Variants in SORCS3 observed in about 807,000 individuals in gnomAD.
SORCS3 encodes VPS10 domain-containing receptor SorCS3.
In SORCS3, 57 loss-of-function variants were observed where a neutral mutation model predicts 146.3. The ratio of observed to expected loss-of-function variants is 0.39; its 90% CI spans 0.31 to 0.49. The LOEUF is 0.49. Ranked by LOEUF, SORCS3 falls within the 20% of genes least tolerant of loss-of-function variation. The pLI is 0.92. For missense variants in SORCS3, 1,341 were observed against 1,575.5 expected, an observed-to-expected ratio of 0.85 and a Z score of 2.52; for synonymous variants, 653 against 618.5, an observed-to-expected ratio of 1.06 and a Z score of -0.83.
chr10:105,199,753 A>C (rs1322015670), intron 14 of SORCS3, among the ~76,000 whole-genome samples: 1 of 152,166 alleles, frequency 6.6e-6, no homozygotes, highest in African/African-American at 2.4e-5. Flanking sequence ...TTCCTGTAAT[A>C]GGCATATATT....
At chr10:105,046,501 G>A (rs1050523405) in intron 5 of SORCS3, among the ~76,000 whole-genome samples, 8 of 152,064 alleles carry the variant, frequency 5.3e-5, no homozygotes, top group Admixed American at 2.0e-4. Context: ...AACGAACCCC[G>A]TGCATGTCTC....
rs778318739 is a variant in SORCS3, at chr10:105,147,761, G to A, written c.1447G>A (p.Gly483Ser). ...CATGGAGAACATCAAGAGCAGCAGA[G>A]GTCTAATGGGGAACATCATTATTGA... ...LAMENIKSSR[G>S]LMGNIIIELY... The change falls in exon 9 of 27, where the codon GGT (glycine) becomes AGT (serine). Residue 483 changes from glycine (G) to serine (S), a missense_variant. Physicochemically the swap from Gly to Ser is moderately conservative, Grantham distance 56. Transcript: ENST00000369701. 4 of 1,612,662 alleles carry A rather than the reference G, an allele frequency of 2.5e-6. No individual in the cohort carries two copies. Among genetic ancestry groups the A allele is most frequent in the South Asian group, 1.1e-5 (1 of 91,004 alleles).
intron 1 of SORCS3, among the ~76,000 whole-genome samples, chr10:104,792,951 C>T (rs1020159164): frequency 3.9e-5 from 6 of 152,116 alleles, no homozygotes; most frequent in Admixed American, 2.6e-4. Context: ...GATAAGTGGT[C>T]TCACTGCACC....
intron 7 of SORCS3, among the ~76,000 whole-genome samples, chr10:105,110,226 C>G (rs1207301742): frequency 6.6e-6 from 1 of 150,818 alleles, no homozygotes; most frequent in Non-Finnish European, 1.5e-5. Context: ...GTGTCTCTTT[C>G]TCTCGTATCA....
intron 1 of SORCS3, among the ~76,000 whole-genome samples, chr10:104,659,941 G>A (rs11192151): frequency 0.12 from 18,498 of 152,106 alleles, 1,133 homozygotes; most frequent in Non-Finnish European, 0.15. Context: ...CCCCAGGATC[G>A]GGGAGGGAGG....
Position 105,188,920 on chromosome 10 carries a change from G to A in SORCS3, c.2009+10747G>A, listed in dbSNP as rs187418190. On this transcript the variant is annotated intron_variant, in intron 14 of 26. Transcript: ENST00000369701. ...TGGCTAATTCTGAGTCCTGGATGGAGGTGGTAGAGGAGATGGTGTATGACT... is the reference window on the plus strand; with the variant it reads ...TGGCTAATTCTGAGTCCTGGATGGAAGTGGTAGAGGAGATGGTGTATGACT... 5.3e-5 allele frequency among the ~76,000 whole-genome samples: 8 copies of A among 152,312 alleles called. No individual in the cohort carries two copies. The East Asian group carries it at 1.5e-3, about 29-fold the overall frequency.
intron 4 of SORCS3, among the ~76,000 whole-genome samples, chr10:105,010,584 A>G (rs2055128993): frequency 1.3e-5 from 2 of 152,174 alleles, no homozygotes; most frequent in African/African-American, 4.8e-5. Context: ...TACCCCAGCT[A>G]CTCTTGCATT....
chr10:104,751,732 A>G (rs1354199821), intron 1 of SORCS3, among the ~76,000 whole-genome samples: 1 of 151,488 alleles, frequency 6.6e-6, no homozygotes, highest in African/African-American at 2.4e-5. Flanking sequence ...ATCCCATCGC[A>G]GGGAAGGTGC....
At chr10:104,696,312 TG>T (rs2016189836) in intron 1 of SORCS3, among the ~76,000 whole-genome samples, 1 of 110,226 alleles carries the variant, frequency 9.1e-6, no homozygotes. Context: ...ATATGATATA[TG>T]ATATATATCA....
At chr10:105,041,977 T>C (rs2055341191) in intron 4 of SORCS3, among the ~76,000 whole-genome samples, 1 of 152,216 alleles carries the variant, frequency 6.6e-6, no homozygotes, top group Admixed American at 6.6e-5. Flanking sequence ...AAAACTCAAA[T>C]CCTAGTTTCT....
At chr10:104,650,735 A>C (rs1178165749) in intron 1 of SORCS3, among the ~76,000 whole-genome samples, 3 of 152,204 alleles carry the variant, frequency 2.0e-5, no homozygotes, top group Non-Finnish European at 4.4e-5. Context: ...GTAAAGAACA[A>C]GTGTCTTGGG....
chr10:104,641,452 G>A lies in SORCS3; in HGVS notation c.125G>A (p.Gly42Asp). The change falls in exon 1 of 27, where the codon GGT becomes GAT. Residue 42 changes from glycine to aspartate, a missense_variant. Gly to Asp is a moderately conservative substitution (Grantham distance 94). Coordinates refer to ENST00000369701, the MANE Select transcript of SORCS3 (RefSeq NM_014978.3). The surrounding 1 kb of genome is among the most constrained non-coding windows in gnomAD (Gnocchi z 6.4). ...GAEITWDATG[G>D]PGRPAAPASR... ...GAGATCACTTGGGACGCGACAGGCG[G>A]TCCCGGACGCCCGGCGGCCCCGGCT... 1 of 1,469,746 alleles carries A rather than the reference G, an allele frequency of 6.8e-7. No homozygotes were observed. Among genetic ancestry groups the A allele is most frequent in the Non-Finnish European group, 8.9e-7 (1 of 1,117,766 alleles). The allele number at this position is 1,469,746 out of a possible 1,614,324, so 91.0% of individuals were successfully genotyped here.
chr10:104,815,360 G>A (rs2017784591), intron 1 of SORCS3, among the ~76,000 whole-genome samples: 1 of 145,990 alleles, frequency 6.8e-6, no homozygotes, highest in South Asian at 2.2e-4. Flanking sequence ...GAGGAGGTGG[G>A]ATCACTTGAG....
chr10:105,006,070 T>C (rs1351007688), intron 4 of SORCS3, among the ~76,000 whole-genome samples: 2 of 152,148 alleles, frequency 1.3e-5, no homozygotes, highest in African/African-American at 4.8e-5. Context: ...GCCTCCCAAA[T>C]AGCTGGGATT....
rs996773420 is a variant in SORCS3 at position 104,821,464 on chromosome 10, T to TC, written c.628-21326dup. On this transcript the variant is annotated intron_variant, in intron 1 of 26. Coordinates refer to ENST00000369701, the MANE Select transcript of SORCS3 (RefSeq NM_014978.3). Reference sequence around the variant, plus strand: ...TGGGGACACCGGTGAGGGTTTGTGTTCCTTTTTGGGTCTTCTAGATGCCTC... The same window carrying TC: ...TGGGGACACCGGTGAGGGTTTGTGTTCCCTTTTTGGGTCTTCTAGATGCCTC... Among the ~76,000 whole-genome samples, 97 of 152,274 alleles carry TC rather than the reference T, an allele frequency of 6.4e-4. 1 individual carries two copies. The highest frequency in any genetic ancestry group is 2.1e-3 in the Admixed American group (32 of 15,298).
chr10:104,991,502 C>CTTTTTTTTTTTTTTTTTT (rs1554865716), intron 4 of SORCS3, among the ~76,000 whole-genome samples: 1 of 140,424 alleles, frequency 7.1e-6, no homozygotes. Flanking sequence ...TCCTCTTCTT[C>CTTTTTTTTTTTTTTTTTT]CTTTTTTTTT....
intron 2 of SORCS3, among the ~76,000 whole-genome samples, chr10:104,897,182 C>T (rs1388238379): frequency 6.6e-6 from 1 of 152,188 alleles, no homozygotes; most frequent in East Asian, 1.9e-4. Context: ...GGGATTTACT[C>T]TCTCAGTCTG....
chr10:104,919,412 C>A (rs564139443), intron 3 of SORCS3, among the ~76,000 whole-genome samples: 26 of 152,010 alleles, frequency 1.7e-4, no homozygotes, highest in African/African-American at 5.8e-4. Context: ...CGTTTGTAGC[C>A]AGGCACAGTG....
intron 1 of SORCS3, among the ~76,000 whole-genome samples, chr10:104,748,561 T>C (rs1173156424): frequency 1.3e-5 from 2 of 152,146 alleles, no homozygotes; most frequent in African/African-American, 4.8e-5. Flanking sequence ...GATAGGATTC[T>C]CTAGACTCCT....
Sources: gnomAD v4.1 joint callset for allele counts (sites outside exome capture counted in the v4.1 genomes callset) on GRCh38, gnomAD v4.1.1 for gene constraint, Gnocchi (gnomAD v3.1) non-coding constraint, MANE v1.5 for transcripts, NCBI Gene and HGNC (gene_info 2026-07-23, HGNC 2026-07-21) for gene names.